The following RFWD3 variants were observed in gnomAD, a reference collection of about 807,000 sequenced individuals.
The protein encoded by RFWD3 is E3 ubiquitin-protein ligase RFWD3.
Under a neutral mutation model 87.7 loss-of-function variants are expected in RFWD3, and 65 were observed. The observed-to-expected ratio is 0.74, with a 90% CI of 0.61 to 0.91. The LOEUF is 0.91. RFWD3 is among the 40% of genes least tolerant of loss of function. The probability of loss-of-function intolerance (pLI) is 0.00; values close to 1 mark genes in which losing one functional copy is unlikely to be tolerated. For synonymous variants in RFWD3, 433 were observed against 352.8 expected (o/e 1.23, Z -2.55); for missense variants, 1,078 against 938.5 (o/e 1.15, Z -1.94).
chr16:74,637,202 C>T (rs1567572527), intron 7 of RFWD3, among the ~76,000 whole-genome samples: 1 of 149,728 alleles, frequency 6.7e-6, no homozygotes, highest in Non-Finnish European at 1.5e-5. Flanking sequence ...GGCTGGAGTG[C>T]AGTAGTGCGA....
intron 6 of RFWD3, chr16:74,643,898 T>C (rs142872841): frequency 0.02 from 3,759 of 190,898 alleles, 50 homozygotes; most frequent in Middle Eastern, 0.027. Context: ...AGGATGGTCT[T>C]GATCTCCTGA....
chr16:74,642,646 T>C (rs542560136), intron 6 of RFWD3, among the ~76,000 whole-genome samples: 2 of 152,130 alleles, frequency 1.3e-5, no homozygotes, highest in East Asian at 1.9e-4. Flanking sequence ...TGTGTACCAC[T>C]ACACACGGAT....
At chr16:74,640,336 C>G (rs8049056) in intron 6 of RFWD3, among the ~76,000 whole-genome samples, 108,146 of 151,494 alleles carry the variant, frequency 0.71, 39,200 homozygotes, top group African/African-American at 0.84. Context: ...AGTAGAGACA[C>G]GGTTTCATCA....
At chr16:74,624,173 C>T in intron 12 of RFWD3, 102 bp from the exon 13 acceptor site, 1 of 1,367,578 alleles carries the variant, frequency 7.3e-7, no homozygotes, top group Non-Finnish European at 9.8e-7. Flanking sequence ...AGAGAGAACA[C>T]TACCTGGAGA....
chr16:74,646,998 A>G (rs1213228415), intron 4 of RFWD3, among the ~76,000 whole-genome samples: 2 of 151,992 alleles, frequency 1.3e-5, no homozygotes, highest in African/African-American at 2.4e-5. Context: ...GAGGCAGGAG[A>G]ATGGTGTGAA....
rs374620621 is a variant in RFWD3 at position 74,657,570 on chromosome 16, G to C, written c.518+3362C>G. 3.1e-4 allele frequency among the ~76,000 whole-genome samples: 46 copies of C among 150,358 alleles called. 1 individual carries two copies. In the East Asian group the frequency reaches 3.1e-3, roughly 10 times the overall value. ...GGCTCACTGCAACATCCACCTCCCGGGTTCAAGCGATTCTCCTGCCTCAGT... is the reference window on the plus strand; with the variant it reads ...GGCTCACTGCAACATCCACCTCCCGCGTTCAAGCGATTCTCCTGCCTCAGT... On this transcript the variant is annotated intron_variant, in intron 2 of 12. Transcript: ENST00000361070.
rs1251088427 is a variant in RFWD3, at chr16:74,645,654, G to A, written c.793-919C>T. Among the ~76,000 whole-genome samples the A allele has an allele frequency of 1.3e-4, 20 of 151,598 alleles. No individual in the cohort carries two copies. The East Asian group carries it at 3.7e-3, about 28-fold the overall frequency. On this transcript the variant is annotated intron_variant, in intron 4 of 12. Transcript: ENST00000361070. The stretch of plus-strand genomic sequence containing the variant: ...AAGTGTGAGCCACTGCGCCCAGCCT[G>A]GTATTATCATCTAATGGGACAACCA...
intron 9 of RFWD3, among the ~76,000 whole-genome samples, chr16:74,631,975 T>C (rs1009980783): frequency 2.6e-5 from 4 of 152,214 alleles, no homozygotes; most frequent in African/African-American, 9.6e-5. Flanking sequence ...AAGACATATT[T>C]TGTAATATAC....
In RFWD3 at chr16:74,636,522, G is replaced by C. The variant is rs1367606821; in HGVS notation, c.1250C>G (p.Ser417Cys). The change falls in exon 8 of 13, where the codon TCC becomes TGC. Residue 417 changes from serine (S) to cysteine (C), a missense_variant. By Grantham distance (112) the Ser-to-Cys change is moderately radical. Transcript: ENST00000361070. ...QSQNLQQPRG[S>C]QAWVLSCSPS... is the part of the protein sequence containing the mutation. ...TGAGCAGCTCAGGACCCATGCTTGG[G>C]AGCCCCTGGGTTGCTGTAAATTCTG... is the stretch of plus-strand genomic sequence containing the variant. The C allele has an allele frequency of 1.2e-6, 2 of 1,613,896 alleles. No homozygotes were observed. Among genetic ancestry groups the C allele is most frequent in the Non-Finnish European group, 1.7e-6 (2 of 1,180,044 alleles).
Position 74,649,170 on chromosome 16 carries a change from C to A in RFWD3, c.754G>T (p.Val252Phe), listed in dbSNP as rs1389289170. ...GTCTTGCCTCCATCGATACATGTAA[C>A]TTCTTGCTCTGCTGAGACACCTGCT... ...QLAGVSAEQE[V>F]TCIDGGKTLP... Residue 252 changes from valine to phenylalanine, a missense_variant, in exon 4 of 13, where the codon GTT becomes TTT. Physicochemically the swap from Val to Phe is conservative, Grantham distance 50. Transcript: ENST00000361070. The A allele has an allele frequency of 6.4e-7, 1 of 1,569,440 alleles. No homozygotes were observed. The highest frequency in any genetic ancestry group is 1.2e-5 in the South Asian group (1 of 83,486).
At position 74,652,092 on chromosome 16, in the gene RFWD3, C is replaced by G. The variant is rs756685003; in HGVS notation, c.549G>C (p.Gln183His). 6.2e-7 allele frequency: 1 copy of G among 1,614,064 alleles called. No homozygotes were observed. Among genetic ancestry groups the G allele is most frequent in the Admixed American group, 1.7e-5 (1 of 59,974 alleles). Residue 183 changes from glutamine (Q) to histidine (H), a missense_variant, in exon 3 of 13, where the codon CAG (glutamine) becomes CAC (histidine). Transcript: ENST00000361070. ...GCAAGTCAGGCTGGGTCCTGCTCAC[C>G]TGAAAGTAAGCATCCAATGGTGCTC... ...RLRAPLDAYFQVSRTQPDLPA... is the reference protein window; with the variant it reads ...RLRAPLDAYFHVSRTQPDLPA...
rs1567564888 is a variant in RFWD3 at position 74,626,509 on chromosome 16, T to G, written c.2015A>C (p.Tyr672Ser). 1 of 1,614,162 alleles carries G rather than the reference T, an allele frequency of 6.2e-7. No homozygotes were observed. ...TGGATTTCCAGTGTCATCCAGTCGG[T>G]AGGACATTTCCATCAGCACACTTCG... is the stretch of plus-strand genomic sequence containing the variant. ...TIRSVLMEMS[Y>S]RLDDTGNPIC... is the part of the protein sequence containing the mutation. Residue 672 changes from tyrosine (Y) to serine (S), a missense_variant, in exon 12 of 13, where the codon TAC becomes TCC. Tyr to Ser is a moderately radical substitution (Grantham distance 144, BLOSUM62 -2). Transcript: ENST00000361070.
chr16:74,665,561 A>G (rs1186035003), intron 1 of RFWD3, among the ~76,000 whole-genome samples: 1 of 151,692 alleles, frequency 6.6e-6, no homozygotes, highest in Non-Finnish European at 1.5e-5. Context: ...AGGGGCAACA[A>G]AGCGAGACTC....
rs181878006 is a variant in RFWD3, at chr16:74,649,141, G to T, written c.783C>A (p.Leu261=). 1.3e-6 allele frequency: 2 copies of T among 1,572,632 alleles called. No individual in the cohort carries two copies. The highest frequency in any genetic ancestry group is 1.7e-6 in the Non-Finnish European group (2 of 1,163,884). The change falls in exon 4 of 13, where the codon CTC becomes CTA. Residue 261 remains leucine, a synonymous_variant. Coordinates refer to ENST00000361070, the MANE Select transcript of RFWD3 (RefSeq NM_018124.4). ...ATGATGTTCATATTACCTGTTTGGG[G>T]AGGGTCTTGCCTCCATCGATACATG... ...EVTCIDGGKT[L]PKQPSPQKSE...
chr16:74,641,154 C>T (rs916750035), intron 6 of RFWD3, among the ~76,000 whole-genome samples: 7 of 151,836 alleles, frequency 4.6e-5, no homozygotes, highest in Non-Finnish European at 7.4e-5. Flanking sequence ...ATGTAAAACA[C>T]AAACAGATAA....
At chr16:74,649,297 C>A in intron 3 of RFWD3, 95 bp from the exon 4 acceptor site, 1 of 794,384 alleles carries the variant, frequency 1.3e-6, no homozygotes, top group Non-Finnish European at 2.0e-6. Context: ...TGACTCACTA[C>A]AGCTTCCCAT....
chr16:74,650,436 T>C (rs1183721095), intron 3 of RFWD3, among the ~76,000 whole-genome samples: 1 of 151,726 alleles, frequency 6.6e-6, no homozygotes, highest in African/African-American at 2.4e-5. Flanking sequence ...GTATTTCTGA[T>C]TGCAGCACAT....
In RFWD3 at chr16:74,641,870, T is replaced by A. The variant is rs550588651; in HGVS notation, c.1079+2492A>T. Reference sequence around the variant, plus strand: ...GAACCTGGGAGGCGGGAAGTTGTAGTGAGCCAAGATTGCACCATTGCAATC... The same window carrying A: ...GAACCTGGGAGGCGGGAAGTTGTAGAGAGCCAAGATTGCACCATTGCAATC... On this transcript the variant is annotated intron_variant, in intron 6 of 12. Transcript: ENST00000361070. 1.2e-4 allele frequency among the ~76,000 whole-genome samples: 15 copies of A among 125,502 alleles called. No homozygotes were observed. In the East Asian group the frequency reaches 3.5e-3, roughly 29 times the overall value. 82.3% of individuals were successfully genotyped at this position (125,502 alleles called of 152,430 possible).
At chr16:74,637,099 T>C (rs574517062) in intron 7 of RFWD3, among the ~76,000 whole-genome samples, 1 of 135,404 alleles carries the variant, frequency 7.4e-6, no homozygotes, top group Admixed American at 8.1e-5. Flanking sequence ...AAGTCCTTAA[T>C]GGTGGTTTCG....
Sources: allele counts gnomAD v4.1 joint callset (sites outside exome capture counted in the v4.1 genomes callset), GRCh38; gene constraint gnomAD v4.1.1; transcripts MANE v1.5; gene names NCBI Gene and HGNC (gene_info 2026-07-23, HGNC 2026-07-21).